Variants in RPTOR observed in about 807,000 individuals in gnomAD.
RPTOR encodes regulatory-associated protein of mTOR.
Under a neutral mutation model 169.9 loss-of-function variants are expected in RPTOR, and 21 were observed. The ratio of observed to expected loss-of-function variants is 0.12; its 90% CI spans 0.09 to 0.18. RPTOR has a LOEUF of 0.18. RPTOR is among the 10% of genes least tolerant of loss of function. RPTOR has a pLI of 1.00. For synonymous variants in RPTOR, 732 were observed against 753.2 expected (o/e 0.97, Z 0.46); for missense variants, 1,133 against 1,855.9 (o/e 0.61, Z 7.16).
intron 10 of RPTOR, among the ~76,000 whole-genome samples, chr17:80,842,424 C>T (rs1393911631): frequency 6.6e-6 from 1 of 152,204 alleles, no homozygotes; most frequent in African/African-American, 2.4e-5. Context: ...TCAGGGGCTG[C>T]TCCCTCCTTC....
intron 3 of RPTOR, among the ~76,000 whole-genome samples, chr17:80,668,178 C>CTA (rs2065795108): frequency 6.6e-6 from 1 of 152,150 alleles, no homozygotes; most frequent in Admixed American, 6.5e-5. Context: ...CAGGTTGGGC[C>CTA]TCCACTAGAC....
intron 3 of RPTOR, among the ~76,000 whole-genome samples, chr17:80,685,627 A>ATATATATATATATATATATATTTTTTTTT (rs1269766086): frequency 3.3e-5 from 1 of 30,688 alleles, no homozygotes; most frequent in Non-Finnish European, 5.4e-5. Context: ...ATATATATAT[A>ATATATATATATATATATATATTTTTTTTT]TTTTTTTTTT....
intron 3 of RPTOR, among the ~76,000 whole-genome samples, chr17:80,649,245 C>G (rs893684038): frequency 6.6e-6 from 1 of 152,180 alleles, no homozygotes; most frequent in Non-Finnish European, 1.5e-5. Flanking sequence ...GACCGTTACT[C>G]GCTGTGACTC....
intron 7 of RPTOR, among the ~76,000 whole-genome samples, chr17:80,814,399 T>A (rs1012806148): frequency 2.6e-5 from 4 of 152,186 alleles, no homozygotes; most frequent in African/African-American, 9.7e-5. Flanking sequence ...TTCTTGGGTA[T>A]TTTTTTGATT....
chr17:80,580,422 G>C (rs1312677702), intron 1 of RPTOR, among the ~76,000 whole-genome samples: 2 of 152,310 alleles, frequency 1.3e-5, no homozygotes, highest in Non-Finnish European at 1.5e-5. Flanking sequence ...TGGCTCGGCT[G>C]CCAGCCCTGG....
At chr17:80,690,054 T>C (rs2065977712) in intron 3 of RPTOR, among the ~76,000 whole-genome samples, 1 of 152,198 alleles carries the variant, frequency 6.6e-6, no homozygotes, top group Non-Finnish European at 1.5e-5. Context: ...TTTTCAAACG[T>C]GTTTGCTCAT....
At chr17:80,548,607 G>A (rs1568297818) in intron 1 of RPTOR, among the ~76,000 whole-genome samples, 3 of 151,570 alleles carry the variant, frequency 2.0e-5, no homozygotes, top group Non-Finnish European at 2.9e-5. Context: ...TCCTGACCTC[G>A]GGTCGTTCAC....
chr17:80,912,764 A>G (rs1414414948), intron 21 of RPTOR, among the ~76,000 whole-genome samples: 1 of 152,202 alleles, frequency 6.6e-6, no homozygotes, highest in African/African-American at 2.4e-5. Context: ...TTAGCAGGTT[A>G]TAGCAACTCG....
rs2065280412 is a variant in RPTOR, at chr17:80,612,798, G to A, written c.163-12893G>A. ...TGGGGGCATCACCTGAGCCCAGGAG[G>A]TTGAGGCTGCAGTGAACCGTGATCA... On this transcript the variant is annotated intron_variant, in intron 1 of 33. Transcript: ENST00000306801. Among the ~76,000 whole-genome samples the A allele has an allele frequency of 2.6e-5, 4 of 152,184 alleles. No homozygotes were observed. The South Asian group carries it at 8.3e-4, about 31-fold the overall frequency.
chr17:80,934,539 T>A (rs2068933723), intron 24 of RPTOR, among the ~76,000 whole-genome samples: 1 of 152,166 alleles, frequency 6.6e-6, no homozygotes. Context: ...TGAAATTGTT[T>A]ACAGAGATGG....
intron 17 of RPTOR, 110 bp from the exon 18 acceptor site, chr17:80,891,610 C>A: frequency 1.3e-6 from 1 of 744,752 alleles, no homozygotes; most frequent in Non-Finnish European, 2.3e-6. Flanking sequence ...GCCAATTGCA[C>A]GGTTTTGTCT....
At chr17:80,868,834 G>C (rs1275688748) in intron 13 of RPTOR, among the ~76,000 whole-genome samples, 1 of 152,180 alleles carries the variant, frequency 6.6e-6, no homozygotes, top group Admixed American at 6.5e-5. Context: ...TAGATTGAGT[G>C]AAAGAAGCCA....
chr17:80,736,668 C>T (rs1360347655), intron 5 of RPTOR, among the ~76,000 whole-genome samples: 2 of 152,358 alleles, frequency 1.3e-5, no homozygotes, highest in Non-Finnish European at 2.9e-5. Context: ...TGTAGACAGG[C>T]ACACTGCTTG....
At chr17:80,546,592 T>C (rs1315529647) in intron 1 of RPTOR, among the ~76,000 whole-genome samples, 1 of 152,208 alleles carries the variant, frequency 6.6e-6, no homozygotes, top group African/African-American at 2.4e-5. Flanking sequence ...TGCACACTTA[T>C]AATTTGTCTT....
At chr17:80,665,706 G>T (rs912804460) in intron 3 of RPTOR, among the ~76,000 whole-genome samples, 1 of 151,354 alleles carries the variant, frequency 6.6e-6, no homozygotes, top group East Asian at 1.9e-4. Flanking sequence ...CACCATGCCC[G>T]GCTAATTTTT....
intron 6 of RPTOR, among the ~76,000 whole-genome samples, chr17:80,777,482 C>T (rs868433817): frequency 1.4e-4 from 21 of 151,762 alleles, no homozygotes; most frequent in Admixed American, 7.2e-4. Flanking sequence ...CTCACTGTTC[C>T]GCTTTGCATC....
rs1213031548 is a variant in RPTOR at position 80,591,063 on chromosome 17, AGTTGTTC to A, written c.163-34627_163-34621del. ...TTACTTAAAAAGTTTAGTGGCATAG[AGTTGTTC>A]AAAGTCACCTCTTGTCAATGTGGAT... On this transcript the variant is annotated intron_variant, in intron 1 of 33. Transcript: ENST00000306801. 5.7e-3 allele frequency among the ~76,000 whole-genome samples: 825 copies of A among 144,042 alleles called. 49 individuals are homozygous for A. The highest frequency in any genetic ancestry group is 0.023 in the African/African-American group (772 of 34,256). The allele number at this position is 144,042 out of a possible 152,430, so 94.5% of individuals were successfully genotyped here.
chr17:80,617,410 A>G (rs892165437), intron 1 of RPTOR, among the ~76,000 whole-genome samples: 2 of 152,220 alleles, frequency 1.3e-5, no homozygotes, highest in Non-Finnish European at 2.9e-5. Flanking sequence ...AACAGTTGCA[A>G]TCTGAAAGTA....
At chr17:80,700,724 GTGGTGA>G (rs2066088634) in intron 3 of RPTOR, among the ~76,000 whole-genome samples, 2 of 20,498 alleles carry the variant, frequency 9.8e-5, no homozygotes, top group Non-Finnish European at 2.2e-4. Flanking sequence ...GGTGGTGGTG[GTGGTGA>G]TGATGGTGGT....
Sources: allele counts gnomAD v4.1 joint callset (sites outside exome capture counted in the v4.1 genomes callset), GRCh38; gene constraint gnomAD v4.1.1; transcripts MANE v1.5; gene names NCBI Gene and HGNC (gene_info 2026-07-23, HGNC 2026-07-21).